The following CHL1 variants were observed in gnomAD, a reference collection of about 807,000 sequenced individuals.
The protein encoded by CHL1 is cell adhesion molecule L1 like.
A neutral mutation model predicts 141.9 loss-of-function variants in CHL1; 96 were observed. That is an observed-to-expected ratio of 0.68 (90% CI 0.57 to 0.80). The LOEUF (loss-of-function observed/expected upper bound fraction) is 0.80. Among genes scored for constraint, CHL1 ranks in the 30% least tolerant of loss-of-function variants. The pLI is 0.00. For synonymous variants in CHL1, 613 were observed against 502.2 expected, an observed-to-expected ratio of 1.22 and a Z score of -2.95; for missense variants, 1,820 against 1,457.2, an observed-to-expected ratio of 1.25 and a Z score of -4.05.
chr3:382,565 A>G lies in CHL1; in HGVS notation c.2070A>G (p.Leu690=). 1 of 1,613,620 alleles carries G rather than the reference A, an allele frequency of 6.2e-7. No homozygotes were observed. The highest frequency in any genetic ancestry group is 8.5e-7 in the Non-Finnish European group (1 of 1,179,586). ...AAGGAAAGAAAACCACAGTTATCTT[A>G]CCTTTGGCTCCATTTGTGAGATACC... The part of the protein sequence containing the change: ...RVQGKKTTVI[L]PLAPFVRYQF... The change falls in exon 18 of 28, where the codon TTA becomes TTG. Residue 690 remains leucine, a synonymous_variant. Coordinates refer to ENST00000256509, the MANE Select transcript of CHL1 (RefSeq NM_006614.4).
Position 376,333 on chromosome 3 carries a change from T to A in CHL1, c.1752-1485T>A, listed in dbSNP as rs192850370. 2.4e-5 allele frequency: 12 copies of A among 495,256 alleles called. No individual in the cohort carries two copies. In the East Asian group the frequency reaches 6.8e-4, roughly 28 times the overall value. 30.7% of individuals were successfully genotyped at this position (495,256 alleles called of 1,614,324 possible). A position where few individuals can be genotyped will look rare whatever the true frequency, so the allele number is the denominator to read the frequency against. ...GACATGTGACAGAATTATCCAGGCT[T>A]CATGTTCAAATGCAATGGCCCTTGC... On this transcript the variant is annotated intron_variant, in intron 15 of 27. Transcript: ENST00000256509.
At chr3:319,577 A>G in intron 2 of CHL1, 106 bp from the exon 3 acceptor site, 1 of 502,482 alleles carries the variant, frequency 2.0e-6, no homozygotes, top group Non-Finnish European at 3.5e-6. Context: ...TAAGGAGGAA[A>G]CATACTGCCA....
chr3:233,899 T>C (rs558039976), intron 1 of CHL1, among the ~76,000 whole-genome samples: 52 of 152,262 alleles, frequency 3.4e-4, no homozygotes, highest in Non-Finnish European at 7.4e-4. Context: ...GTTGGTGATA[T>C]ATTAATATGT....
At chr3:322,131 G>A (rs1179886461) in intron 3 of CHL1, among the ~76,000 whole-genome samples, 1 of 151,590 alleles carries the variant, frequency 6.6e-6, no homozygotes, top group Non-Finnish European at 1.5e-5. Flanking sequence ...ATAAGCTCAA[G>A]TCCTGCTCTA....
chr3:298,734 G>A (rs1383295433), intron 2 of CHL1, among the ~76,000 whole-genome samples: 1 of 152,154 alleles, frequency 6.6e-6, no homozygotes, highest in African/African-American at 2.4e-5. Context: ...GGTGAAAAGA[G>A]AGAATGAGTG....
chr3:294,351 G>C (rs79294474), intron 2 of CHL1, among the ~76,000 whole-genome samples: 1 of 152,076 alleles, frequency 6.6e-6, no homozygotes, highest in African/African-American at 2.4e-5. Context: ...ACCTACATAC[G>C]TACTAGAATC....
intron 2 of CHL1, among the ~76,000 whole-genome samples, chr3:269,097 C>T (rs1695415723): frequency 6.6e-6 from 1 of 152,164 alleles, no homozygotes; most frequent in Non-Finnish European, 1.5e-5. Flanking sequence ...GTCTCAGGAG[C>T]TTCTTAAGAG....
chr3:293,868 T>C (rs1300841449), intron 2 of CHL1, among the ~76,000 whole-genome samples: 1 of 151,246 alleles, frequency 6.6e-6, no homozygotes, highest in Non-Finnish European at 1.5e-5. Flanking sequence ...TTCAAGCAAT[T>C]CTCCTGCCTC....
At chr3:268,103 A>C (rs1486342975) in intron 2 of CHL1, among the ~76,000 whole-genome samples, 1 of 152,220 alleles carries the variant, frequency 6.6e-6, no homozygotes. Context: ...CACATGTTCA[A>C]TAGATACAAT....
At chr3:391,897 T>C (rs1575274354) in intron 23 of CHL1, 100 bp downstream of exon 23, 1 of 971,580 alleles carries the variant, frequency 1.0e-6, no homozygotes, top group Non-Finnish European at 1.5e-6. Flanking sequence ...CTTAAGGCCA[T>C]GGTTTGTAAG....
intron 5 of CHL1, among the ~76,000 whole-genome samples, chr3:330,447 C>A (rs562300702): frequency 8.6e-5 from 13 of 151,754 alleles, no homozygotes; most frequent in African/African-American, 3.1e-4. Flanking sequence ...AATGAATGAG[C>A]TAATTTAAGG....
At chr3:207,813 C>T (rs939459200) in intron 1 of CHL1, among the ~76,000 whole-genome samples, 1 of 152,156 alleles carries the variant, frequency 6.6e-6, no homozygotes, top group African/African-American at 2.4e-5. Flanking sequence ...GTCTGCTCTT[C>T]CCATGCATAC....
intron 3 of CHL1, among the ~76,000 whole-genome samples, chr3:321,779 T>C (rs966060434): frequency 6.6e-6 from 1 of 152,092 alleles, no homozygotes; most frequent in Non-Finnish European, 1.5e-5. Flanking sequence ...ATATTATTCA[T>C]TTATTTCAGG....
chr3:293,675 T>C (rs563026851), intron 2 of CHL1, among the ~76,000 whole-genome samples: 1 of 152,346 alleles, frequency 6.6e-6, no homozygotes, highest in Admixed American at 6.5e-5. Flanking sequence ...CCTGCAACTT[T>C]CACTTTTGTT....
intron 5 of CHL1, among the ~76,000 whole-genome samples, chr3:337,889 G>C (rs1446322588): frequency 6.6e-6 from 1 of 152,196 alleles, no homozygotes; most frequent in Non-Finnish European, 1.5e-5. Context: ...TATATACCCA[G>C]TAATGGGATG....
intron 14 of CHL1, among the ~76,000 whole-genome samples, chr3:364,460 T>A (rs1704616043): frequency 6.6e-6 from 1 of 152,194 alleles, no homozygotes; most frequent in South Asian, 2.1e-4. Context: ...GCGTGAAGCC[T>A]CGAATCCAAA....
chr3:332,078 C>T (rs1701486106), intron 5 of CHL1, among the ~76,000 whole-genome samples: 1 of 152,196 alleles, frequency 6.6e-6, no homozygotes, highest in Non-Finnish European at 1.5e-5. Flanking sequence ...TTCCCTAGCT[C>T]ATGTGCATGT....
chr3:219,766 C>G (rs1246546607), intron 1 of CHL1, among the ~76,000 whole-genome samples: 1 of 152,118 alleles, frequency 6.6e-6, no homozygotes, highest in Non-Finnish European at 1.5e-5. Flanking sequence ...ATGAAATAGT[C>G]TGTACAACAA....
rs930202354 is a variant in CHL1 at position 363,371 on chromosome 3, T to G, written c.1573T>G (p.Leu525Val). The G allele has an allele frequency of 3.1e-5, 50 of 1,610,710 alleles. No individual in the cohort carries two copies. The highest frequency in any genetic ancestry group is 6.8e-5 in the Admixed American group (4 of 59,130). ...AGGAAAAACTGCAGTCACAGCCAAT[T>G]TGGATATTAGAAGTATTTTTATTTC... ...AIGKTAVTAN[L>V]DIRNATKLRV... The change falls in exon 14 of 28, where the codon TTG (leucine) becomes GTG (valine). Residue 525 changes from leucine to valine, a missense_variant. Coordinates refer to ENST00000256509, the MANE Select transcript of CHL1 (RefSeq NM_006614.4).
Sources: gnomAD v4.1 joint callset for allele counts (sites outside exome capture counted in the v4.1 genomes callset) on GRCh38, gnomAD v4.1.1 for gene constraint, MANE v1.5 for transcripts, NCBI Gene and HGNC (gene_info 2026-07-23, HGNC 2026-07-21) for gene names.